The following ADARB2 variants were observed in gnomAD, a reference collection of about 807,000 sequenced individuals.
The protein encoded by ADARB2 is inactive double-stranded RNA-specific editase B2.
In ADARB2, 25 loss-of-function variants were observed where a neutral mutation model predicts 62.2. That is an observed-to-expected ratio of 0.40 (90% CI 0.29 to 0.56). The LOEUF (loss-of-function observed/expected upper bound fraction) is 0.56, where lower values mean the gene tolerates loss of function less well. Among genes scored for constraint, ADARB2 ranks in the 20% least tolerant of loss-of-function variants. The probability of loss-of-function intolerance (pLI) is 0.43; values close to 1 mark genes in which losing one functional copy is unlikely to be tolerated. For missense variants in ADARB2, 1,071 were observed against 1,077.4 expected, an observed-to-expected ratio of 0.99 and a Z score of 0.08; for synonymous variants, 572 against 500.8, an observed-to-expected ratio of 1.14 and a Z score of -1.90.
At chr10:1,496,154 A>G (rs1564307982) in intron 1 of ADARB2, among the ~76,000 whole-genome samples, 2 of 151,936 alleles carry the variant, frequency 1.3e-5, no homozygotes, top group Admixed American at 1.3e-4. Flanking sequence ...CACCATCATT[A>G]TTAACATAAT....
intron 1 of ADARB2, among the ~76,000 whole-genome samples, chr10:1,722,388 T>C (rs1835103863): frequency 6.6e-6 from 1 of 152,254 alleles, no homozygotes; most frequent in African/African-American, 2.4e-5. Flanking sequence ...GCACTGACTC[T>C]GAATCAGTTA....
chr10:1,697,758 A>G (rs139437829), intron 1 of ADARB2, among the ~76,000 whole-genome samples: 1 of 152,264 alleles, frequency 6.6e-6, no homozygotes, highest in African/African-American at 2.4e-5. Context: ...GGGGCCCGTG[A>G]CCTGAGCACG....
intron 7 of ADARB2, among the ~76,000 whole-genome samples, chr10:1,206,470 G>A (rs575120128): frequency 1.5e-4 from 23 of 151,342 alleles, no homozygotes; most frequent in Admixed American, 5.3e-4. Flanking sequence ...GTGCCTGTGC[G>A]TCTGAGAGAA....
At chr10:1,528,633 C>A (rs778572360) in intron 1 of ADARB2, among the ~76,000 whole-genome samples, 5 of 152,250 alleles carry the variant, frequency 3.3e-5, no homozygotes, top group Non-Finnish European at 7.3e-5. Flanking sequence ...ATCACCCACA[C>A]CCCTCCTGTC....
At chr10:1,259,847 A>C (rs1831117062) in intron 4 of ADARB2, among the ~76,000 whole-genome samples, 1 of 152,232 alleles carries the variant, frequency 6.6e-6, no homozygotes, top group Admixed American at 6.5e-5. Context: ...GACACAACAA[A>C]AAAAGAGAAT....
intron 1 of ADARB2, among the ~76,000 whole-genome samples, chr10:1,604,749 C>G (rs145733480): frequency 6.6e-6 from 1 of 152,178 alleles, no homozygotes; most frequent in Admixed American, 6.5e-5. Flanking sequence ...CGCATGAGAA[C>G]GTTACAATGA....
intron 1 of ADARB2, among the ~76,000 whole-genome samples, chr10:1,647,753 T>C (rs1230048133): frequency 6.6e-6 from 1 of 152,032 alleles, no homozygotes; most frequent in Non-Finnish European, 1.5e-5. Flanking sequence ...TGTATGTGTG[T>C]ATATGTTGTG....
intron 6 of ADARB2, among the ~76,000 whole-genome samples, chr10:1,219,822 G>GT: frequency 6.8e-6 from 1 of 147,372 alleles, no homozygotes; most frequent in South Asian, 2.2e-4. Flanking sequence ...GATGGTGATG[G>GT]TAATGATGGT....
At chr10:1,405,629 C>CAAAAAAAAAAAAAAAAAAAAAAAA (rs3029747) in intron 1 of ADARB2, among the ~76,000 whole-genome samples, 1 of 86,940 alleles carries the variant, frequency 1.2e-5, no homozygotes, top group Non-Finnish European at 2.3e-5. Context: ...GATTCAGTCT[C>CAAAAAAAAAAAAAAAAAAAAAAAA]AAAAAAAAAA....
At chr10:1,352,823 C>G (rs898305068) in intron 3 of ADARB2, among the ~76,000 whole-genome samples, 1 of 152,180 alleles carries the variant, frequency 6.6e-6, no homozygotes, top group Non-Finnish European at 1.5e-5. Flanking sequence ...AGATACCACA[C>G]CTGACCCTCA....
intron 1 of ADARB2, among the ~76,000 whole-genome samples, chr10:1,675,793 A>G (rs1458829348): frequency 2.6e-5 from 4 of 152,076 alleles, no homozygotes; most frequent in Non-Finnish European, 5.9e-5. Flanking sequence ...CATCTGTAAC[A>G]GGTGAGATAA....
chr10:1,640,105 G>A (rs574700655), intron 1 of ADARB2, among the ~76,000 whole-genome samples: 12 of 152,336 alleles, frequency 7.9e-5, no homozygotes, highest in African/African-American at 2.9e-4. Flanking sequence ...TACCTCTAGT[G>A]ATGGGGAACT....
At chr10:1,573,062 T>G (rs753996533) in intron 1 of ADARB2, among the ~76,000 whole-genome samples, 1 of 152,230 alleles carries the variant, frequency 6.6e-6, no homozygotes, top group Non-Finnish European at 1.5e-5. Flanking sequence ...CAGCGAGCTC[T>G]CAGCAGAGGT....
Position 1,199,989 on chromosome 10 carries a change from C to T in ADARB2, c.1841G>A (p.Arg614Gln), listed in dbSNP as rs762109021. ...EGVGQLPASY[R>Q]HNRPLLSGVS... ...ACCGCTGAGGAGAGGCCGGTTGTGC[C>T]GGTAGGAGGCGGGCAGCTGGCCGAC... The change falls in exon 8 of 10, where the codon CGG becomes CAG. Residue 614 changes from arginine (R) to glutamine (Q), a missense_variant. Transcript: ENST00000381312. 2.4e-5 allele frequency: 38 copies of T among 1,567,994 alleles called. No individual in the cohort carries two copies. The highest frequency in any genetic ancestry group is 1.8e-4 in the East Asian group (8 of 44,030).
At chr10:1,550,593 C>T (rs2131977613) in intron 1 of ADARB2, among the ~76,000 whole-genome samples, 1 of 152,320 alleles carries the variant, frequency 6.6e-6, no homozygotes, top group East Asian at 1.9e-4. Flanking sequence ...ACCTCAGGCC[C>T]CTTCAGGGAG....
intron 1 of ADARB2, among the ~76,000 whole-genome samples, chr10:1,539,014 C>A (rs1832373011): frequency 6.6e-6 from 1 of 152,168 alleles, no homozygotes; most frequent in African/African-American, 2.4e-5. Flanking sequence ...AGGGCAGAGA[C>A]CTGCCTGGCT....
chr10:1,255,144 A>T lies in ADARB2; in HGVS notation c.1193-12845T>A, dbSNP rs527950983. ...GGGAGCAAGCGGGGCCAATGCTCTG[A>T]GCTCCTCATGGGGCCAAAACATGAG... On this transcript the variant is annotated intron_variant, in intron 4 of 9. Transcript: ENST00000381312. The surrounding 1 kb of genome is among the most constrained non-coding windows in gnomAD (Gnocchi z 4.7). Among the ~76,000 whole-genome samples the T allele has an allele frequency of 1.9e-4, 29 of 152,356 alleles. No individual in the cohort carries two copies. The East Asian group carries it at 4.8e-3, about 25-fold the overall frequency.
At chr10:1,588,774 T>A (rs578002799) in intron 1 of ADARB2, among the ~76,000 whole-genome samples, 2 of 152,322 alleles carry the variant, frequency 1.3e-5, no homozygotes, top group South Asian at 2.1e-4. Flanking sequence ...GGGTGTGGGA[T>A]CTGCTTTGAC....
intron 3 of ADARB2, among the ~76,000 whole-genome samples, chr10:1,309,593 A>C (rs1452314315): frequency 6.6e-6 from 1 of 152,268 alleles, no homozygotes; most frequent in Non-Finnish European, 1.5e-5. Flanking sequence ...TTATCATTCC[A>C]ACAACAGAAA....
Sources: gnomAD v4.1 joint callset for allele counts (sites outside exome capture counted in the v4.1 genomes callset) on GRCh38, gnomAD v4.1.1 for gene constraint, Gnocchi (gnomAD v3.1) non-coding constraint, MANE v1.5 for transcripts, NCBI Gene and HGNC (gene_info 2026-07-23, HGNC 2026-07-21) for gene names.